The following MSH3 variants were observed in gnomAD, a reference collection of about 807,000 sequenced individuals.
The protein encoded by MSH3 is DNA mismatch repair protein Msh3.
In MSH3, 106 loss-of-function variants were observed where a neutral mutation model predicts 123.3. That is an observed-to-expected ratio of 0.86 (90% CI 0.73 to 1.01). MSH3 has a LOEUF of 1.01. MSH3 is among the 50% of genes least tolerant of loss of function. The pLI is 0.00. For synonymous variants in MSH3, 515 were observed against 481.4 expected, an observed-to-expected ratio of 1.07 and a Z score of -0.91; for missense variants, 1,459 against 1,347.6, an observed-to-expected ratio of 1.08 and a Z score of -1.29.
Position 80,810,842 on chromosome 5 carries a change from CT to C in MSH3, c.2656-2738del, listed in dbSNP as rs1744997259. On this transcript the variant is annotated intron_variant, in intron 19 of 23. Coordinates refer to ENST00000265081, the MANE Select transcript of MSH3 (RefSeq NM_002439.5). Reference sequence around the variant, plus strand: ...AGATTTATTCCTAGGTATTTGATTTCTTTTGATACTATGGTAAATTGTATCA... The same window carrying C: ...AGATTTATTCCTAGGTATTTGATTTCTTTGATACTATGGTAAATTGTATCA... Among the ~76,000 whole-genome samples, 10 of 151,928 alleles carry C rather than the reference CT, an allele frequency of 6.6e-5. 1 individual carries two copies. The highest frequency in any genetic ancestry group is 6.6e-4 in the Admixed American group (10 of 15,248).
intron 20 of MSH3, among the ~76,000 whole-genome samples, chr5:80,822,321 G>C (rs1241405097): frequency 6.6e-6 from 1 of 152,172 alleles, no homozygotes; most frequent in African/African-American, 2.4e-5. Flanking sequence ...CAGTGTCTCA[G>C]TTCTTTTCCT....
chr5:80,748,265 C>G (rs555427991), intron 12 of MSH3, among the ~76,000 whole-genome samples: 12 of 152,274 alleles, frequency 7.9e-5, no homozygotes, highest in African/African-American at 2.9e-4. Flanking sequence ...GTTCATAAGT[C>G]TAGGACCAGG....
intron 20 of MSH3, among the ~76,000 whole-genome samples, chr5:80,853,692 G>C (rs1275535775): frequency 1.3e-5 from 2 of 151,996 alleles, no homozygotes; most frequent in Non-Finnish European, 2.9e-5. Context: ...TTTATATGTA[G>C]TACTTTAATT....
chr5:80,723,096 A>AATAC (rs1340901420), intron 8 of MSH3, among the ~76,000 whole-genome samples: 1 of 87,590 alleles, frequency 1.1e-5, no homozygotes, highest in East Asian at 1.2e-3. Flanking sequence ...TCTGTCTAAA[A>AATAC]ATAAATAAAT....
At chr5:80,847,019 C>T (rs1745735290) in intron 20 of MSH3, among the ~76,000 whole-genome samples, 1 of 69,702 alleles carries the variant, frequency 1.4e-5, no homozygotes, top group Admixed American at 1.4e-4. Flanking sequence ...GAGCTACAGA[C>T]TGGAGCTGTT....
intron 10 of MSH3, among the ~76,000 whole-genome samples, chr5:80,733,660 A>G (rs114948303): frequency 0.014 from 2,098 of 152,224 alleles, 23 homozygotes; most frequent in Non-Finnish European, 0.018. Flanking sequence ...AAATGGACAA[A>G]TGATCCATAC....
intron 19 of MSH3, among the ~76,000 whole-genome samples, chr5:80,801,643 C>T (rs1308787758): frequency 2.0e-5 from 3 of 152,214 alleles, no homozygotes; most frequent in Non-Finnish European, 2.9e-5. Flanking sequence ...CCACTTTTCC[C>T]AGGTACTTCA....
At position 80,872,020 on chromosome 5, in the gene MSH3, G is replaced by A. The variant is rs189616785; in HGVS notation, c.3131-1096G>A. On this transcript the variant is annotated intron_variant, in intron 22 of 23. Coordinates refer to ENST00000265081, the MANE Select transcript of MSH3 (RefSeq NM_002439.5). The stretch of plus-strand genomic sequence containing the variant: ...GCCAGCAATCTTTCTGACAGCTGAG[G>A]GAATAAACTCTTTAGTCCTAAGTGG... 1.7e-3 allele frequency among the ~76,000 whole-genome samples: 257 copies of A among 152,196 alleles called. 1 individual carries two copies. The highest frequency in any genetic ancestry group is 7.1e-3 in the South Asian group (34 of 4,810).
At position 80,704,643 on chromosome 5, in the gene MSH3, G is replaced by A. The variant is rs114718406; in HGVS notation, c.1341-20810G>A. Among the ~76,000 whole-genome samples the A allele has an allele frequency of 3.7e-3, 565 of 152,198 alleles. 4 individuals are homozygous for A. The highest frequency in any genetic ancestry group is 0.013 in the African/African-American group (541 of 41,520). On this transcript the variant is annotated intron_variant, in intron 8 of 23. Coordinates refer to ENST00000265081, the MANE Select transcript of MSH3 (RefSeq NM_002439.5). The stretch of plus-strand genomic sequence containing the variant: ...TTAGATGTGAGGCAAATAAGGTGGT[G>A]GTGATTTTGTTTTACAGAGAGATTT...
intron 10 of MSH3, among the ~76,000 whole-genome samples, chr5:80,739,762 G>A (rs570455829): frequency 3.3e-5 from 5 of 152,304 alleles, no homozygotes; most frequent in East Asian, 1.9e-4. Flanking sequence ...ACTAGGCAAC[G>A]TTCCTAATTT....
intron 8 of MSH3, among the ~76,000 whole-genome samples, chr5:80,707,476 A>AC (rs1750750020): frequency 2.0e-5 from 3 of 152,280 alleles, no homozygotes; most frequent in African/African-American, 7.2e-5. Flanking sequence ...TAATCCCAGC[A>AC]CTTTGGGAGG....
chr5:80,701,716 CCTT>C lies in MSH3; in HGVS notation c.1340+22627_1340+22629del, dbSNP rs376811678. ...GCTTATCTCCCAGCCTTTGTGGACT[CCTT>C]CTTGTCCATTTGTCTTTGTAATGAC... On this transcript the variant is annotated intron_variant, in intron 8 of 23. Coordinates refer to ENST00000265081, the MANE Select transcript of MSH3 (RefSeq NM_002439.5). Among the ~76,000 whole-genome samples the C allele has an allele frequency of 4.1e-3, 624 of 152,262 alleles. 5 individuals are homozygous for C. Among genetic ancestry groups the C allele is most frequent in the South Asian group, 0.032 (153 of 4,822 alleles).
intron 20 of MSH3, among the ~76,000 whole-genome samples, chr5:80,844,009 C>A (rs1014890805): frequency 2.6e-5 from 4 of 151,884 alleles, no homozygotes; most frequent in Admixed American, 6.6e-5. Flanking sequence ...GATTTTAGAT[C>A]TTTCCTGCTT....
chr5:80,666,084 G>T (rs188315380), intron 3 of MSH3, among the ~76,000 whole-genome samples: 2 of 152,078 alleles, frequency 1.3e-5, no homozygotes, highest in East Asian at 3.9e-4. Context: ...TTTATTGATG[G>T]AGTCTTGCTC....
In MSH3 at chr5:80,768,837, T is replaced by C. The variant is rs556074597; in HGVS notation, c.2087T>C (p.Val696Ala). 1.2e-6 allele frequency: 2 copies of C among 1,603,384 alleles called. No individual in the cohort carries two copies. The highest frequency in any genetic ancestry group is 1.1e-5 in the South Asian group (1 of 90,278). ...LKILNEQAAK[V>A]GDKTELFKDL... Reference sequence around the variant, plus strand: ...ATTTGCATGTTTTGATTTTTTAGAGTTGGGGATAAAACTGAATTATTTAAA... The same window carrying C: ...ATTTGCATGTTTTGATTTTTTAGAGCTGGGGATAAAACTGAATTATTTAAA... The change falls in exon 15 of 24, where the codon GTT becomes GCT. Residue 696 changes from valine to alanine, a missense_variant and splice_region_variant. Physicochemically the swap from Val to Ala is moderately conservative, Grantham distance 64. Transcript: ENST00000265081.
At chr5:80,849,574 T>C (rs1745793584) in intron 20 of MSH3, among the ~76,000 whole-genome samples, 1 of 152,172 alleles carries the variant, frequency 6.6e-6, no homozygotes, top group South Asian at 2.1e-4. Context: ...CAATACCACA[T>C]GGAAGCTGCC....
chr5:80,807,046 C>G (rs1392143333), intron 19 of MSH3, among the ~76,000 whole-genome samples: 1 of 151,656 alleles, frequency 6.6e-6, no homozygotes, highest in Non-Finnish European at 1.5e-5. Flanking sequence ...AAAAAAATTA[C>G]CTGGATGTGA....
chr5:80,864,990 A>G, intron 22 of MSH3, 48 bp downstream of exon 22: 2 of 1,594,068 alleles, frequency 1.3e-6, no homozygotes, highest in Non-Finnish European at 1.7e-6. Context: ...TTCATGTTTG[A>G]TAACTCAAAG....
At chr5:80,662,924 A>G in intron 2 of MSH3, among the ~76,000 whole-genome samples, 1 of 152,130 alleles carries the variant, frequency 6.6e-6, no homozygotes, top group East Asian at 1.9e-4. Flanking sequence ...CAAAGAGAAA[A>G]TTGGAGGTTT....
Sources: allele counts gnomAD v4.1 joint callset (sites outside exome capture counted in the v4.1 genomes callset), GRCh38; gene constraint gnomAD v4.1.1; transcripts MANE v1.5; gene names NCBI Gene and HGNC (gene_info 2026-07-23, HGNC 2026-07-21).